ASAH2: variants seen among roughly 807,000 people sequenced by gnomAD.
The protein encoded by ASAH2 is N-acylsphingosine amidohydrolase 2.
Under a neutral mutation model 82.9 loss-of-function variants are expected in ASAH2, and 58 were observed. The ratio of observed to expected loss-of-function variants is 0.70; its 90% CI spans 0.57 to 0.87. ASAH2 has a LOEUF of 0.87. Ranked by LOEUF, ASAH2 falls within the 40% of genes least tolerant of loss-of-function variation. The pLI is 0.00. For synonymous variants in ASAH2, 276 were observed against 289.7 expected, an observed-to-expected ratio of 0.95 and a Z score of 0.48; for missense variants, 779 against 834.0, an observed-to-expected ratio of 0.93 and a Z score of 0.81.
rs558558219 is a variant in ASAH2, at chr10:50,251,424, A to G, written c.-66T>C. On this transcript the variant is annotated 5_prime_UTR_variant, in exon 1 of 21. It removes an upstream start codon present in the reference 5' UTR. Transcript: ENST00000682911. Reference sequence around the variant, plus strand: ...TTCTAGTACTCAAAAGAGGTTTTGCATCCCAGTGAAGCAAATGGCCATCCA... The same window carrying G: ...TTCTAGTACTCAAAAGAGGTTTTGCGTCCCAGTGAAGCAAATGGCCATCCA... 6.6e-6 allele frequency among the ~76,000 whole-genome samples: 1 copy of G among 152,326 alleles called. No homozygotes were observed. Among genetic ancestry groups the G allele is most frequent in the Admixed American group, 6.5e-5 (1 of 15,308 alleles).
chr10:50,232,810 T>C (rs1343553432), intron 7 of ASAH2, among the ~76,000 whole-genome samples: 1 of 152,174 alleles, frequency 6.6e-6, no homozygotes, highest in African/African-American at 2.4e-5. Context: ...TAGATTGTTT[T>C]TTCATTTTAC....
intron 4 of ASAH2, among the ~76,000 whole-genome samples, chr10:50,240,018 G>A (rs1488250235): frequency 6.6e-6 from 1 of 151,854 alleles, no homozygotes; most frequent in Non-Finnish European, 1.5e-5. Context: ...AGTAGAGACA[G>A]GGTTTCACCA....
At chr10:50,227,588 A>G (rs1845921401) in intron 7 of ASAH2, among the ~76,000 whole-genome samples, 1 of 152,038 alleles carries the variant, frequency 6.6e-6, no homozygotes, top group African/African-American at 2.4e-5. Context: ...TTATTTTTCA[A>G]GTTTTCTATG....
chr10:50,206,985 T>A (rs1845316869), intron 12 of ASAH2, among the ~76,000 whole-genome samples: 1 of 151,868 alleles, frequency 6.6e-6, no homozygotes, highest in Non-Finnish European at 1.5e-5. Context: ...ACAAAATATG[T>A]TTTCCAAATA....
intron 2 of ASAH2, among the ~76,000 whole-genome samples, chr10:50,248,147 A>G (rs907506510): frequency 6.6e-6 from 1 of 152,240 alleles, no homozygotes; most frequent in African/African-American, 2.4e-5. Flanking sequence ...AATGATGTCT[A>G]CAAGGAGGCA....
intron 15 of ASAH2, among the ~76,000 whole-genome samples, chr10:50,203,372 GTACTTAGAGGT>G (rs1263428143): frequency 4.0e-5 from 6 of 151,816 alleles, no homozygotes; most frequent in African/African-American, 1.5e-4. Flanking sequence ...AGATATTGAG[GTACTTAGAGGT>G]TACTTAGTAT....
At chr10:50,231,774 G>A (rs993831627) in intron 7 of ASAH2, among the ~76,000 whole-genome samples, 1 of 152,158 alleles carries the variant, frequency 6.6e-6, no homozygotes, top group Non-Finnish European at 1.5e-5. Flanking sequence ...TAACACAAAA[G>A]AGGAACTCAA....
At chr10:50,241,751 A>G (rs1846302279) in intron 4 of ASAH2, among the ~76,000 whole-genome samples, 1 of 152,202 alleles carries the variant, frequency 6.6e-6, no homozygotes, top group Non-Finnish European at 1.5e-5. Context: ...GACATGGATA[A>G]AGCTGGAAAC....
At chr10:50,219,583 T>C (rs956082708) in intron 7 of ASAH2, among the ~76,000 whole-genome samples, 2 of 151,572 alleles carry the variant, frequency 1.3e-5, no homozygotes, top group Admixed American at 6.6e-5. Flanking sequence ...ACTTAGAATT[T>C]AAAAAAAAAA....
At chr10:50,224,868 C>T (rs1244581179) in intron 7 of ASAH2, among the ~76,000 whole-genome samples, 1 of 152,054 alleles carries the variant, frequency 6.6e-6, no homozygotes, top group Non-Finnish European at 1.5e-5. Context: ...CAGACTTTTA[C>T]CTAAAAGGCA....
chr10:50,224,395 A>G (rs1405616000), intron 7 of ASAH2, among the ~76,000 whole-genome samples: 1 of 151,962 alleles, frequency 6.6e-6, no homozygotes, highest in Non-Finnish European at 1.5e-5. Flanking sequence ...ATATACAAAT[A>G]TATATATGAT....
At chr10:50,236,175 G>C (rs1236741248) in intron 4 of ASAH2, 111 bp from the exon 5 acceptor site, 7 of 945,878 alleles carry the variant, frequency 7.4e-6, no homozygotes, top group Admixed American at 3.6e-5. Flanking sequence ...ATCTGTATTA[G>C]TCCATTCTCA....
In ASAH2 at chr10:50,218,778, G is replaced by A. The variant is rs528259395; in HGVS notation, c.894-148C>T. 9 of 902,710 alleles carry A rather than the reference G, an allele frequency of 1.0e-5. 1 individual carries two copies. The African/African-American group carries it at 1.1e-4, about 11-fold the overall frequency. 55.9% of individuals were successfully genotyped at this position (902,710 alleles called of 1,614,324 possible). A position where few individuals can be genotyped will look rare whatever the true frequency, so the allele number is the denominator to read the frequency against. On this transcript the variant is annotated intron_variant, in intron 7 of 20. Coordinates refer to ENST00000682911, the MANE Select transcript of ASAH2 (RefSeq NM_019893.4). ...CATCTACATTCTTTCATTGTTCATG[G>A]GCTTAAAAATACAATGCAAAAAATG...
intron 7 of ASAH2, 51 bp from the exon 8 acceptor site, chr10:50,218,681 G>C: frequency 1.2e-6 from 2 of 1,610,428 alleles, no homozygotes; most frequent in Non-Finnish European, 8.5e-7. Context: ...AGAGAACTGG[G>C]GCCAAGAACT....
At chr10:50,232,995 G>A (rs1280765883) in intron 7 of ASAH2, among the ~76,000 whole-genome samples, 189 bp downstream of exon 7, 1 of 152,024 alleles carries the variant, frequency 6.6e-6, no homozygotes, top group Non-Finnish European at 1.5e-5. Flanking sequence ...GCAGAACTAA[G>A]CCCTGAGAGA....
chr10:50,208,421 C>T (rs1845364731), intron 12 of ASAH2, among the ~76,000 whole-genome samples: 1 of 151,732 alleles, frequency 6.6e-6, no homozygotes, highest in South Asian at 2.1e-4. Flanking sequence ...CTAAATCATC[C>T]ATTAAAATAT....
intron 8 of ASAH2, among the ~76,000 whole-genome samples, chr10:50,215,133 T>C (rs1292209474): frequency 6.6e-6 from 1 of 152,228 alleles, no homozygotes; most frequent in Non-Finnish European, 1.5e-5. Context: ...AGTCATGAAG[T>C]CTTTACCAAT....
At chr10:50,204,308 CTG>C (rs1188734099) in intron 14 of ASAH2, among the ~76,000 whole-genome samples, 1 of 151,874 alleles carries the variant, frequency 6.6e-6, no homozygotes, top group Non-Finnish European at 1.5e-5. Flanking sequence ...TTTCAAAAAT[CTG>C]TGTAAAAGAT....
intron 13 of ASAH2, 105 bp from the exon 14 acceptor site, chr10:50,205,060 A>G (rs3739973): frequency 0.018 from 13,562 of 736,634 alleles, 281 homozygotes; most frequent in Middle Eastern, 0.068. Flanking sequence ...TTTATGATGT[A>G]GTATTAAATA....
Sources: gnomAD v4.1 joint callset for allele counts (sites outside exome capture counted in the v4.1 genomes callset) on GRCh38, gnomAD v4.1.1 for gene constraint, MANE v1.5 for transcripts, NCBI Gene and HGNC (gene_info 2026-07-23, HGNC 2026-07-21) for gene names.